The following NPC1L1 variants were observed in gnomAD, a reference collection of about 807,000 sequenced individuals.
NPC1L1 encodes NPC1-like intracellular cholesterol transporter 1.
NPC1L1 carries 98 observed loss-of-function variants against 117.0 expected under a neutral mutation model. That is an observed-to-expected ratio of 0.84 (90% CI 0.71 to 0.99). The LOEUF is 0.99. Ranked by LOEUF, NPC1L1 falls within the 50% of genes least tolerant of loss-of-function variation. NPC1L1 has a pLI of 0.00. For missense variants in NPC1L1, 1,540 were observed against 1,710.0 expected, an observed-to-expected ratio of 0.90 and a Z score of 1.75; for synonymous variants, 729 against 727.6, an observed-to-expected ratio of 1.00 and a Z score of -0.03.
Position 44,536,878 on chromosome 7 carries a change from G to A in NPC1L1, c.1645C>T (p.Pro549Ser), listed in dbSNP as rs1305808444. Residue 549 changes from proline (P) to serine (S), a missense_variant, in exon 3 of 19, where the codon CCT becomes TCT. Pro to Ser is a moderately conservative substitution (Grantham distance 74). Around this residue, in one of 3 missense-constraint regions of NPC1L1, gnomAD observed 793 missense variants for 820.4 expected, o/e 0.97. Coordinates refer to ENST00000381160, the MANE Select transcript of NPC1L1 (RefSeq NM_001101648.2). This position sits in a 1 kb window ranked among gnomAD's most constrained non-coding sequence, Gnocchi z 4.7. ...CCAATGGCAAGGAAGGGGAAGACAG[G>A]GGCCCCGTAGTCAGCCATGCAGCTC... is the stretch of plus-strand genomic sequence containing the variant. ...ALSCMADYGAPVFPFLAIGGY... is the reference protein window; with the variant it reads ...ALSCMADYGASVFPFLAIGGY... The A allele has an allele frequency of 6.2e-7, 1 of 1,614,028 alleles. No homozygotes were observed. Among genetic ancestry groups the A allele is most frequent in the African/African-American group, 1.3e-5 (1 of 74,936 alleles).
Position 44,539,573 on chromosome 7 carries a change from G to A in NPC1L1, c.824C>T (p.Thr275Ile), listed in dbSNP as rs771352361. 14 of 1,614,012 alleles carry A rather than the reference G, an allele frequency of 8.7e-6. No individual in the cohort carries two copies. Among genetic ancestry groups the A allele is most frequent in the African/African-American group, 1.3e-5 (1 of 74,946 alleles). ...AIARPQALDS[T>I]FYLGQMPGSL... ...GCCCGGCATCTGGCCCAGGTAGAAG[G>A]TGGAGTCGAGGGCCTGGGGGCGGGC... The change falls in exon 2 of 19, where the codon ACC becomes ATC. Residue 275 changes from threonine (T) to isoleucine (I), a missense_variant. This residue lies in a region of NPC1L1 where 793 missense variants were observed against 820.4 expected (regional missense o/e 0.97). Transcript: ENST00000381160. The surrounding 1 kb of genome is among the most constrained non-coding windows in gnomAD (Gnocchi z 4.4).
At chr7:44,518,315 G>A (rs976181138) in intron 14 of NPC1L1, among the ~76,000 whole-genome samples, 3 of 151,020 alleles carry the variant, frequency 2.0e-5, no homozygotes, top group Admixed American at 6.6e-5. Flanking sequence ...GATTACAGGT[G>A]CATGCCACCA....
At chr7:44,515,249 G>A (rs2117016807) in intron 18 of NPC1L1, among the ~76,000 whole-genome samples, 1 of 152,024 alleles carries the variant, frequency 6.6e-6, no homozygotes, top group Middle Eastern at 3.4e-3. Context: ...AGCTACTCGG[G>A]AGGCTGAGGT....
intron 1 of NPC1L1, 92 bp downstream of exon 1, chr7:44,541,094 AGGCCCTGAGGCTCCCTTGCT>A: frequency 8.4e-7 from 1 of 1,187,082 alleles, no homozygotes; most frequent in Non-Finnish European, 1.2e-6. Flanking sequence ...CCCAGCCCGC[AGGCCCTGAGGCTCCCTTGCT>A]GTCACCCAGT....
chr7:44,530,951 C>G (rs915881529), intron 10 of NPC1L1, among the ~76,000 whole-genome samples: 2 of 152,216 alleles, frequency 1.3e-5, no homozygotes, highest in African/African-American at 4.8e-5. Flanking sequence ...TCCACTGGGG[C>G]TCCTGCCAGT....
chr7:44,535,897 G>T lies in NPC1L1; in HGVS notation c.1926C>A (p.Val642=), dbSNP rs200986707. The change falls in exon 5 of 19, where the codon GTC becomes GTA. Residue 642 remains valine (V), a synonymous_variant. Coordinates refer to ENST00000381160, the MANE Select transcript of NPC1L1 (RefSeq NM_001101648.2). Reference sequence around the variant, plus strand: ...GGGCCAGAGAGATGTACAGGAATATGACAATGTAGCTGGTGGCAAAGATGG... The same window carrying T: ...GGGCCAGAGAGATGTACAGGAATATTACAATGTAGCTGGTGGCAAAGATGG... ...DLPIFATSYI[V]IFLYISLALG... 2.4e-4 allele frequency: 380 copies of T among 1,613,482 alleles called. No individual in the cohort carries two copies. The highest frequency in any genetic ancestry group is 3.0e-4 in the Non-Finnish European group (350 of 1,180,030).
chr7:44,536,802 G>T lies in NPC1L1; in HGVS notation c.1681+40C>A. On this transcript the variant is annotated intron_variant, in intron 3 of 18. Transcript: ENST00000381160. The surrounding 1 kb of genome is among the most constrained non-coding windows in gnomAD (Gnocchi z 4.7). Reference sequence around the variant, plus strand: ...CGTCTATGGTTCCTGCCCCAATACTGCATCTTCCTTGGCTTCCTCTCAGGG... The same window carrying T: ...CGTCTATGGTTCCTGCCCCAATACTTCATCTTCCTTGGCTTCCTCTCAGGG... 2 of 1,527,392 alleles carry T rather than the reference G, an allele frequency of 1.3e-6. No homozygotes were observed. The highest frequency in any genetic ancestry group is 1.8e-6 in the Non-Finnish European group (2 of 1,101,432). 94.6% of individuals were successfully genotyped at this position (1,527,392 alleles called of 1,614,324 possible).
chr7:44,517,123 A>G, intron 15 of NPC1L1, 84 bp downstream of exon 15: 1 of 1,584,728 alleles, frequency 6.3e-7, no homozygotes, highest in Non-Finnish European at 8.7e-7. Context: ...ATCTCATGCA[A>G]CTCCTTGCAA....
Position 44,532,097 on chromosome 7 carries a change from T to C in NPC1L1, c.2530A>G (p.Ile844Val). ...KAYAPFLLHW[I>V]TRGVVLLLFL... ...CCACTCACCACAACACCTCGAGTGA[T>C]CCAGTGCAGCAGGAAGGGGGCATAA... The change falls in exon 9 of 19, where the codon ATC becomes GTC. Residue 844 changes from isoleucine to valine, a missense_variant. Ile to Val is a conservative substitution (Grantham distance 29, BLOSUM62 3). Transcript: ENST00000381160. 6.2e-7 allele frequency: 1 copy of C among 1,614,092 alleles called. No individual in the cohort carries two copies. The highest frequency in any genetic ancestry group is 8.5e-7 in the Non-Finnish European group (1 of 1,180,022).
chr7:44,533,858 G>A lies in NPC1L1; in HGVS notation c.2167-5C>T, dbSNP rs1585145554. 6.2e-7 allele frequency: 1 copy of A among 1,607,974 alleles called. No homozygotes were observed. Among genetic ancestry groups the A allele is most frequent in the Non-Finnish European group, 8.5e-7 (1 of 1,177,378 alleles). ...CCCAGGCCTCCGGGGCAGCCTCTGT[G>A]TGGGAACAGCAGGGATAAGAGCCAG... On this transcript the variant is annotated splice_region_variant and splice_polypyrimidine_tract_variant and intron_variant, in intron 6 of 18. Coordinates refer to ENST00000381160, the MANE Select transcript of NPC1L1 (RefSeq NM_001101648.2).
intron 15 of NPC1L1, 129 bp downstream of exon 15, chr7:44,517,078 T>C: frequency 1.4e-6 from 2 of 1,454,534 alleles, no homozygotes; most frequent in South Asian, 1.1e-5. Flanking sequence ...GGCCCAAGGC[T>C]GCAGCCAGAG....
rs371045331 is a variant in NPC1L1 at position 44,534,667 on chromosome 7, C to T, written c.1984-38G>A. Reference sequence around the variant, plus strand: ...CAGGCTCAGCCCCCTAGCCACTTAGCACCTACCCAGTATGCCCACCAGCCT... The same window carrying T: ...CAGGCTCAGCCCCCTAGCCACTTAGTACCTACCCAGTATGCCCACCAGCCT... On this transcript the variant is annotated intron_variant, in intron 5 of 18. Transcript: ENST00000381160. The surrounding 1 kb of genome is among the most constrained non-coding windows in gnomAD (Gnocchi z 5.2). The T allele has an allele frequency of 4.0e-5, 65 of 1,609,842 alleles. No homozygotes were observed. Among genetic ancestry groups the T allele is most frequent in the Non-Finnish European group, 5.4e-5 (64 of 1,178,008 alleles).
At position 44,532,057 on chromosome 7, in the gene NPC1L1, C is replaced by T. The variant is rs772054996; in HGVS notation, c.2547+23G>A. On this transcript the variant is annotated intron_variant, in intron 9 of 18. Transcript: ENST00000381160. Reference sequence around the variant, plus strand: ...GGTCCCCACCTAGTGCCCCTGCTCTCGTGTGGTTCGAGGCCCACTCACCAC... The same window carrying T: ...GGTCCCCACCTAGTGCCCCTGCTCTTGTGTGGTTCGAGGCCCACTCACCAC... 6 of 1,614,004 alleles carry T rather than the reference C, an allele frequency of 3.7e-6. No individual in the cohort carries two copies. The African/African-American group carries it at 4.0e-5, about 11-fold the overall frequency.
In NPC1L1 at chr7:44,541,317, GC is replaced by G; in HGVS notation, c.-59del. On this transcript the variant is annotated 5_prime_UTR_variant, in exon 1 of 19. The change creates a premature stop within an existing upstream ORF in the 5' untranslated region. Coordinates refer to ENST00000381160, the MANE Select transcript of NPC1L1 (RefSeq NM_001101648.2). ...GGCCAGGCCTCAGGAACAGCCAAGG[GC>G]TGAACACACATTAAGGCAGCCTCCT... The G allele has an allele frequency of 6.6e-7, 1 of 1,512,078 alleles. No homozygotes were observed. Among genetic ancestry groups the G allele is most frequent in the Admixed American group, 2.0e-5 (1 of 50,194 alleles). 93.7% of individuals were successfully genotyped at this position (1,512,078 alleles called of 1,614,324 possible).
At chr7:44,537,011 TC>T in intron 2 of NPC1L1, 69 bp from the exon 3 acceptor site, 1 of 1,315,662 alleles carries the variant, frequency 7.6e-7, no homozygotes, top group Non-Finnish European at 1.1e-6. Flanking sequence ...GCCCCTCCCT[TC>T]CCCTCCCACC....
chr7:44,539,319 C>G lies in NPC1L1; in HGVS notation c.1078G>C (p.Val360Leu), dbSNP rs143494404. ...SWPLTILVLS[V>L]IPVVALAAGL... The stretch of plus-strand genomic sequence containing the variant: ...GCTGCCAAGGCCACCACCGGGATGA[C>G]AGATAGCACCAAGATGGTCAGAGGC... The change falls in exon 2 of 19, where the codon GTC becomes CTC. Residue 360 changes from valine to leucine, a missense_variant. Coordinates refer to ENST00000381160, the MANE Select transcript of NPC1L1 (RefSeq NM_001101648.2). This position sits in a 1 kb window ranked among gnomAD's most constrained non-coding sequence, Gnocchi z 4.4. 1.2e-6 allele frequency: 2 copies of G among 1,614,004 alleles called. No individual in the cohort carries two copies. The highest frequency in any genetic ancestry group is 1.7e-6 in the Non-Finnish European group (2 of 1,179,976).
rs1042494451 is a variant in NPC1L1 at position 44,533,348 on chromosome 7, C to G, written c.2409+83G>C. ...CCCCACCCCATTCTCTGGGCCATCT[C>G]TGTGGTGGTAAAGCCACCCCATCTC... On this transcript the variant is annotated intron_variant, in intron 8 of 18. Transcript: ENST00000381160. 2.6e-6 allele frequency: 4 copies of G among 1,565,742 alleles called. No homozygotes were observed. In the African/African-American group the frequency reaches 4.1e-5, roughly 16 times the overall value.
Position 44,539,140 on chromosome 7 carries a change from G to A in NPC1L1, c.1257C>T (p.Ser419=), listed in dbSNP as rs1424733164. 1 of 1,614,136 alleles carries A rather than the reference G, an allele frequency of 6.2e-7. No homozygotes were observed. The change falls in exon 2 of 19, where the codon AGC becomes AGT. Residue 419 remains serine (S), a synonymous_variant. Coordinates refer to ENST00000381160, the MANE Select transcript of NPC1L1 (RefSeq NM_001101648.2). The surrounding 1 kb of genome is among the most constrained non-coding windows in gnomAD (Gnocchi z 4.4). ...QVILTAPNRS[S]YRYDSLLLGP... ...CCAGCAGCAGAGAGTCATACCTGTA[G>A]CTGGACCGGTTAGGAGCCGTCAGGA... is the stretch of plus-strand genomic sequence containing the variant.
rs751023677 is a variant in NPC1L1 at position 44,540,094 on chromosome 7, C to T, written c.303G>A (p.Ala101=). The change falls in exon 2 of 19, where the codon GCG becomes GCA. Residue 101 remains alanine, a synonymous_variant. Coordinates refer to ENST00000381160, the MANE Select transcript of NPC1L1 (RefSeq NM_001101648.2). ...CSAKQLVSLE[A]SLSITKALLT... Reference sequence around the variant, plus strand: ...GGAGGGCCTTGGTGATCGACAGACTCGCTTCCAGTGATACCAGCTGCTTGG... The same window carrying T: ...GGAGGGCCTTGGTGATCGACAGACTTGCTTCCAGTGATACCAGCTGCTTGG... The T allele has an allele frequency of 1.3e-5, 21 of 1,614,026 alleles. No homozygotes were observed. Among genetic ancestry groups the T allele is most frequent in the East Asian group, 1.1e-4 (5 of 44,888 alleles).
Sources: gnomAD v4.1 joint callset for allele counts (sites outside exome capture counted in the v4.1 genomes callset) on GRCh38, gnomAD v4.1.1 for gene constraint, gnomAD v4.1.1 regional missense constraint, Gnocchi (gnomAD v3.1) non-coding constraint, MANE v1.5 for transcripts, NCBI Gene and HGNC (gene_info 2026-07-23, HGNC 2026-07-21) for gene names.